NRXN1: variants seen among roughly 807,000 people sequenced by gnomAD.
NRXN1 encodes the protein neurexin 1, also known as neurexin-1.
Under a neutral mutation model 150.9 loss-of-function variants are expected in NRXN1, and 39 were observed. The observed-to-expected ratio is 0.26, with a 90% CI of 0.20 to 0.34. The LOEUF (loss-of-function observed/expected upper bound fraction) is 0.34, where lower values mean the gene tolerates loss of function less well. Among genes scored for constraint, NRXN1 ranks in the 10% least tolerant of loss-of-function variants. The probability of loss-of-function intolerance (pLI) is 1.00; values close to 1 mark genes in which losing one functional copy is unlikely to be tolerated. For missense variants in NRXN1, 1,815 were observed against 1,949.9 expected, an observed-to-expected ratio of 0.93 and a Z score of 1.30; for synonymous variants, 924 against 757.0, an observed-to-expected ratio of 1.22 and a Z score of -3.62.
At chr2:50,186,411 T>A (rs971384367) in intron 18 of NRXN1, among the ~76,000 whole-genome samples, 1 of 152,108 alleles carries the variant, frequency 6.6e-6, no homozygotes, top group Non-Finnish European at 1.5e-5. Flanking sequence ...AATGTTATGT[T>A]CAGAATCTCA....
At chr2:50,235,423 C>T (rs1044324697) in intron 18 of NRXN1, among the ~76,000 whole-genome samples, 3 of 152,024 alleles carry the variant, frequency 2.0e-5, no homozygotes, top group Non-Finnish European at 4.4e-5. Flanking sequence ...TCAATAATGG[C>T]TGTGCTGAGG....
At chr2:50,568,079 C>T (rs1670136927) in intron 8 of NRXN1, among the ~76,000 whole-genome samples, 1 of 152,132 alleles carries the variant, frequency 6.6e-6, no homozygotes, top group Non-Finnish European at 1.5e-5. Flanking sequence ...ATACAGAGTG[C>T]TTGTTCCTAA....
intron 21 of NRXN1, among the ~76,000 whole-genome samples, chr2:50,048,021 A>G (rs1692107329): frequency 6.6e-6 from 1 of 151,984 alleles, no homozygotes; most frequent in African/African-American, 2.4e-5. Context: ...AAACCTCCAG[A>G]CCCCAAAGAA....
intron 2 of NRXN1, among the ~76,000 whole-genome samples, chr2:51,008,418 G>T (rs1259827751): frequency 6.6e-6 from 1 of 151,764 alleles, no homozygotes; most frequent in Non-Finnish European, 1.5e-5. Context: ...TTTTCTCCTT[G>T]CTATTTAGAT....
rs754558377 is a variant in NRXN1 at position 50,474,683 on chromosome 2, CAA to C, written c.3071-2214_3071-2213del. ...AATTTCCAGACTGGCACAGAAATAG[CAA>C]AAAAAAAAAAAAAAAAAAAAAGTCC... is the stretch of plus-strand genomic sequence containing the variant. On this transcript the variant is annotated intron_variant, in intron 15 of 22. Transcript: ENST00000401669. Among the ~76,000 whole-genome samples the C allele has an allele frequency of 1.8e-4, 10 of 54,998 alleles. No homozygotes were observed. The East Asian group carries it at 2.1e-3, about 12-fold the overall frequency. 36.1% of individuals were successfully genotyped at this position (54,998 alleles called of 152,430 possible). A position where few individuals can be genotyped will look rare whatever the true frequency, so the allele number is the denominator to read the frequency against.
intron 5 of NRXN1, among the ~76,000 whole-genome samples, chr2:50,883,002 A>T (rs538933037): frequency 2.3e-4 from 35 of 151,870 alleles, no homozygotes; most frequent in Non-Finnish European, 4.7e-4. Context: ...CATAGTAGCG[A>T]ATGTTAACAC....
chr2:50,438,522 T>C (rs117721595), intron 17 of NRXN1, among the ~76,000 whole-genome samples: 4 of 152,352 alleles, frequency 2.6e-5, no homozygotes, highest in South Asian at 4.1e-4. Context: ...TGTCACTTTA[T>C]TGTGTCAACT....
In NRXN1 at chr2:50,587,792, A is replaced by G. The variant is rs373425885; in HGVS notation, c.1320+32230T>C. Among the ~76,000 whole-genome samples, 100 of 152,290 alleles carry G rather than the reference A, an allele frequency of 6.6e-4. 2 individuals carry two copies. Among genetic ancestry groups the G allele is most frequent in the African/African-American group, 2.4e-3 (99 of 41,564 alleles). ...TCTCAATTATGAAAGTGATATACAT[A>G]TAAATGGGGTTTGTGAAAAAAAGCT... On this transcript the variant is annotated intron_variant, in intron 8 of 22. Coordinates refer to ENST00000401669, the MANE Select transcript of NRXN1 (RefSeq NM_001330078.2).
Position 51,028,026 on chromosome 2 carries a change from A to T in NRXN1, c.248T>A (p.Leu83Gln), listed in dbSNP as rs761718723. ...GAGCTGCAGGCGGCCGCCGCGCGTC[A>T]GAATCAGCTCCAGGAAGTCGCAGAA... ...EGFCDFLELILTRGGRLQLSF... is the reference protein window; with the variant it reads ...EGFCDFLELIQTRGGRLQLSF... Residue 83 changes from leucine to glutamine, a missense_variant, in exon 2 of 23, where the codon CTG becomes CAG. Leu to Gln is a moderately radical substitution (Grantham distance 113, BLOSUM62 -2). This residue lies in a region of NRXN1 where 554 missense variants were observed against 478.8 expected (regional missense o/e 1.16). Coordinates refer to ENST00000401669, the MANE Select transcript of NRXN1 (RefSeq NM_001330078.2). 3.1e-6 allele frequency: 5 copies of T among 1,599,980 alleles called. No homozygotes were observed. The African/African-American group carries it at 4.0e-5, about 13-fold the overall frequency.
chr2:50,248,935 C>T (rs2066768455), intron 17 of NRXN1, among the ~76,000 whole-genome samples: 1 of 151,662 alleles, frequency 6.6e-6, no homozygotes, highest in Admixed American at 6.6e-5. Flanking sequence ...TTCCTTGAGG[C>T]CAGGAGTTTG....
At position 50,965,778 on chromosome 2, in the gene NRXN1, C is replaced by T. The variant is rs549726230; in HGVS notation, c.773-39823G>A. Among the ~76,000 whole-genome samples the T allele has an allele frequency of 2.0e-5, 3 of 151,518 alleles. No homozygotes were observed. In the South Asian group the frequency reaches 6.2e-4, roughly 31 times the overall value. ...TAATAATCAAAAGAAATAAAGAAAA[C>T]ATTATACTATTTTAAAGGAAACGCT... On this transcript the variant is annotated intron_variant, in intron 2 of 22. Coordinates refer to ENST00000401669, the MANE Select transcript of NRXN1 (RefSeq NM_001330078.2).
chr2:50,602,405 T>G (rs1242463777), intron 8 of NRXN1, among the ~76,000 whole-genome samples: 1 of 150,896 alleles, frequency 6.6e-6, no homozygotes, highest in Admixed American at 6.6e-5. Context: ...CTTTTTTTTT[T>G]CTCTCAAGCT....
intron 5 of NRXN1, among the ~76,000 whole-genome samples, chr2:50,761,718 G>A (rs1701825588): frequency 6.6e-6 from 1 of 151,824 alleles, no homozygotes; most frequent in Non-Finnish European, 1.5e-5. Context: ...TTGAGTCAGT[G>A]GACTGGGAAA....
chr2:50,180,367 C>T (rs1247929699), intron 18 of NRXN1, among the ~76,000 whole-genome samples: 1 of 152,016 alleles, frequency 6.6e-6, no homozygotes, highest in Non-Finnish European at 1.5e-5. Flanking sequence ...TGATGAGAAT[C>T]CTTGAAGCAA....
intron 2 of NRXN1, among the ~76,000 whole-genome samples, chr2:50,977,536 C>T (rs1036617704): frequency 6.6e-6 from 1 of 151,872 alleles, no homozygotes; most frequent in Non-Finnish European, 1.5e-5. Flanking sequence ...GGAAACACTA[C>T]AAGTTTAAAT....
intron 18 of NRXN1, among the ~76,000 whole-genome samples, chr2:50,177,225 T>C (rs545186870): frequency 6.6e-5 from 10 of 152,088 alleles, no homozygotes; most frequent in Admixed American, 1.3e-4. Flanking sequence ...TTATACCCAA[T>C]AGGTAATTTT....
intron 16 of NRXN1, among the ~76,000 whole-genome samples, chr2:50,471,239 T>C (rs2089428910): frequency 6.6e-6 from 1 of 151,734 alleles, no homozygotes; most frequent in African/African-American, 2.4e-5. Context: ...TGTTTTTTCA[T>C]CATTCAATCC....
At chr2:50,065,671 T>G (rs1449593788) in intron 19 of NRXN1, among the ~76,000 whole-genome samples, 1 of 151,588 alleles carries the variant, frequency 6.6e-6, no homozygotes, top group Non-Finnish European at 1.5e-5. Context: ...CAGTATTTTG[T>G]TTTTTTTCCT....
intron 13 of NRXN1, among the ~76,000 whole-genome samples, chr2:50,504,388 A>C (rs1311374141): frequency 6.6e-6 from 1 of 152,150 alleles, no homozygotes; most frequent in African/African-American, 2.4e-5. Context: ...GACACTGTGT[A>C]TGTAACTTAC....
Sources: gnomAD v4.1 joint callset for allele counts (sites outside exome capture counted in the v4.1 genomes callset) on GRCh38, gnomAD v4.1.1 for gene constraint, gnomAD v4.1.1 regional missense constraint, MANE v1.5 for transcripts, NCBI Gene and HGNC (gene_info 2026-07-23, HGNC 2026-07-21) for gene names.